CRB1: variants seen among roughly 807,000 people sequenced by gnomAD.
The protein encoded by CRB1 is crumbs cell polarity complex component 1, also known as protein crumbs homolog 1.
In CRB1, 83 loss-of-function variants were observed where a neutral mutation model predicts 120.0. The observed-to-expected ratio is 0.69, with a 90% CI of 0.58 to 0.83. The LOEUF is 0.83. CRB1 is among the 40% of genes least tolerant of loss of function. The pLI is 0.00. For synonymous variants in CRB1, 625 were observed against 612.5 expected (o/e 1.02, Z -0.30); for missense variants, 1,699 against 1,687.6 (o/e 1.01, Z -0.12).
At chr1:197,363,075 C>G (rs1433279479) in intron 5 of CRB1, among the ~76,000 whole-genome samples, 1 of 150,008 alleles carries the variant, frequency 6.7e-6, no homozygotes, top group South Asian at 2.1e-4. Flanking sequence ...CTGATCACAG[C>G]CTATTGGTTT....
the CRB1 span, among the ~76,000 whole-genome samples, chr1:197,253,961 A>G: frequency 6.6e-6 from 1 of 152,114 alleles, no homozygotes; most frequent in Non-Finnish European, 1.5e-5. Flanking sequence ...ACATCAGCAA[A>G]TAAATATTCC....
At chr1:197,252,241 A>C in the CRB1 span, among the ~76,000 whole-genome samples, 1 of 151,790 alleles carries the variant, frequency 6.6e-6, no homozygotes, top group South Asian at 2.1e-4. Context: ...AATTTTATAT[A>C]ATTTTTGCAT....
chr1:197,319,283 C>T (rs1397587276), intron 1 of CRB1, among the ~76,000 whole-genome samples: 3 of 42,394 alleles, frequency 7.1e-5, no homozygotes, highest in Admixed American at 2.6e-4. Context: ...AAAAAATTAG[C>T]CGGACGTGGT....
chr1:197,215,340 C>T, the CRB1 span, among the ~76,000 whole-genome samples: 367 of 150,050 alleles, frequency 2.4e-3, 9 homozygotes, highest in East Asian at 0.048. Flanking sequence ...TCCAATGGCA[C>T]GATCTCGGCT....
chr1:197,203,969 C>T, the CRB1 span, among the ~76,000 whole-genome samples: 17 of 152,072 alleles, frequency 1.1e-4, no homozygotes, highest in African/African-American at 4.1e-4. Context: ...CCCTGAATCC[C>T]CAGAGTCCAT....
intron 1 of CRB1, among the ~76,000 whole-genome samples, chr1:197,294,004 C>T (rs1256814047): frequency 6.6e-6 from 1 of 152,088 alleles, no homozygotes; most frequent in Non-Finnish European, 1.5e-5. Context: ...TAGGCATGGG[C>T]AAGGACTTGA....
chr1:197,457,200 C>A (rs570866993), intron 11 of CRB1, among the ~76,000 whole-genome samples: 24 of 152,140 alleles, frequency 1.6e-4, no homozygotes, highest in Non-Finnish European at 3.1e-4. Context: ...CCTAAGTACG[C>A]CTCTATCATA....
At chr1:197,277,810 A>G (rs1331375170) in intron 1 of CRB1, among the ~76,000 whole-genome samples, 1 of 151,908 alleles carries the variant, frequency 6.6e-6, no homozygotes, top group East Asian at 1.9e-4. Flanking sequence ...CACTTGTAAA[A>G]TGAGGGGGTT....
At chr1:197,397,652 A>G (rs896454415) in intron 5 of CRB1, among the ~76,000 whole-genome samples, 2 of 152,198 alleles carry the variant, frequency 1.3e-5, no homozygotes, top group Non-Finnish European at 2.9e-5. Context: ...CCATTAACAC[A>G]TGCAACAACA....
intron 5 of CRB1, among the ~76,000 whole-genome samples, chr1:197,405,654 A>G (rs1350724142): frequency 7.2e-6 from 1 of 139,238 alleles, no homozygotes; most frequent in East Asian, 2.3e-4. Flanking sequence ...CCGGCCGCCC[A>G]TCGTCTGAGA....
chr1:197,356,220 G>T (rs1660471889), intron 4 of CRB1, among the ~76,000 whole-genome samples: 1 of 152,136 alleles, frequency 6.6e-6, no homozygotes, highest in South Asian at 2.1e-4. Context: ...TCTTACAGTT[G>T]CTCGTATTTA....
At chr1:197,281,566 G>A (rs1655523571) in intron 1 of CRB1, among the ~76,000 whole-genome samples, 1 of 151,814 alleles carries the variant, frequency 6.6e-6, no homozygotes, top group Non-Finnish European at 1.5e-5. Flanking sequence ...GACTTGGCCA[G>A]AATGAGAAGG....
chr1:197,383,470 T>C (rs1662059560), intron 5 of CRB1, among the ~76,000 whole-genome samples: 1 of 152,216 alleles, frequency 6.6e-6, no homozygotes, highest in African/African-American at 2.4e-5. Flanking sequence ...AGCTGCTACA[T>C]ACACGATTTC....
chr1:197,212,302 A>G, the CRB1 span, among the ~76,000 whole-genome samples: 1 of 152,194 alleles, frequency 6.6e-6, no homozygotes, highest in East Asian at 1.9e-4. Flanking sequence ...GTATATCTAT[A>G]TAGTCTTATA....
intron 5 of CRB1, among the ~76,000 whole-genome samples, chr1:197,403,045 T>C (rs1663146528): frequency 6.6e-6 from 1 of 152,244 alleles, no homozygotes; most frequent in African/African-American, 2.4e-5. Context: ...TTTTCACACA[T>C]ATTGTCATGA....
intron 2 of CRB1, among the ~76,000 whole-genome samples, chr1:197,329,534 G>T (rs987942904): frequency 6.6e-6 from 1 of 152,140 alleles, no homozygotes; most frequent in Non-Finnish European, 1.5e-5. Context: ...GCAAACAATT[G>T]TACCTCATAT....
At chr1:197,240,374 C>A in the CRB1 span, among the ~76,000 whole-genome samples, 1 of 152,132 alleles carries the variant, frequency 6.6e-6, no homozygotes, top group Non-Finnish European at 1.5e-5. Context: ...CCTATGCCCC[C>A]ACCCTTTGAC....
the CRB1 span, among the ~76,000 whole-genome samples, chr1:197,227,680 G>A: frequency 8.5e-4 from 129 of 152,118 alleles, no homozygotes; most frequent in South Asian, 1.5e-3. Context: ...CAATTCTGGC[G>A]TCTGGGGGAC....
intron 1 of CRB1, among the ~76,000 whole-genome samples, chr1:197,289,223 A>G (rs886562862): frequency 6.6e-6 from 1 of 151,852 alleles, no homozygotes; most frequent in African/African-American, 2.4e-5. Flanking sequence ...TATATCTCTT[A>G]CTTTTCTCTC....
Sources: gnomAD v4.1 joint callset for allele counts (sites outside exome capture counted in the v4.1 genomes callset) on GRCh38, gnomAD v4.1.1 for gene constraint, MANE v1.5 for transcripts, NCBI Gene and HGNC (gene_info 2026-07-23, HGNC 2026-07-21) for gene names.